The following NYAP2 variants were observed in gnomAD, a reference collection of about 807,000 sequenced individuals.
NYAP2 encodes the protein neuronal tyrosine-phosphorylated phosphoinositide-3-kinase adapter 2.
In NYAP2, 23 loss-of-function variants were observed where a neutral mutation model predicts 50.4. The ratio of observed to expected loss-of-function variants is 0.46; its 90% CI spans 0.33 to 0.65. NYAP2 has a LOEUF of 0.65. Among genes scored for constraint, NYAP2 ranks in the 30% least tolerant of loss-of-function variants. NYAP2 has a pLI of 0.02. For missense variants in NYAP2, 885 were observed against 861.0 expected (o/e 1.03, Z -0.35); for synonymous variants, 394 against 365.2 (o/e 1.08, Z -0.90).
intron 3 of NYAP2, among the ~76,000 whole-genome samples, chr2:225,451,953 CATACACACACACGTATAT>C (rs956537878): frequency 2.1e-4 from 32 of 152,188 alleles, no homozygotes; most frequent in African/African-American, 5.8e-4. Context: ...TATATATGCA[CATACACACACACGTATAT>C]ATACACACAC....
chr2:225,679,124 T>G, the NYAP2 span, among the ~76,000 whole-genome samples: 2 of 152,142 alleles, frequency 1.3e-5, no homozygotes, highest in African/African-American at 4.8e-5. Context: ...TGTAGCTTAA[T>G]AAGTATGGAC....
At chr2:225,567,976 A>T (rs1336370858) in intron 4 of NYAP2, among the ~76,000 whole-genome samples, 1 of 152,176 alleles carries the variant, frequency 6.6e-6, no homozygotes, top group Non-Finnish European at 1.5e-5. Context: ...TTTCATACAT[A>T]GGAAGGATGA....
intron 4 of NYAP2, among the ~76,000 whole-genome samples, chr2:225,529,136 G>C (rs947009196): frequency 3.3e-5 from 5 of 152,052 alleles, no homozygotes; most frequent in Non-Finnish European, 2.9e-5. Context: ...TGGCAGAAAG[G>C]AGTTCATAAC....
intron 3 of NYAP2, among the ~76,000 whole-genome samples, chr2:225,418,525 T>TTGACAGAATTTGG (rs1247037015): frequency 3.2e-4 from 49 of 152,086 alleles, no homozygotes; most frequent in African/African-American, 1.1e-3. Context: ...GAAGGTAGAA[T>TTGACAGAATTTGG]TGACAGAATT....
intron 3 of NYAP2, among the ~76,000 whole-genome samples, chr2:225,418,885 G>A (rs1329978581): frequency 1.3e-5 from 2 of 152,248 alleles, no homozygotes; most frequent in East Asian, 1.9e-4. Context: ...GTTATTGTAT[G>A]TGTGTAATAA....
At chr2:225,658,316 A>AC (rs879351044), downstream of NYAP2, among the ~76,000 whole-genome samples, 1 of 152,026 alleles carries the variant, frequency 6.6e-6, no homozygotes, top group South Asian at 2.1e-4. Flanking sequence ...GTCTTGGAAC[A>AC]CCCCCCTAAG....
chr2:225,574,757 T>G (rs1160740388), intron 4 of NYAP2, among the ~76,000 whole-genome samples: 1 of 152,178 alleles, frequency 6.6e-6, no homozygotes, highest in African/African-American at 2.4e-5. Flanking sequence ...GTCAGTGCAT[T>G]GTGGCACAGT....
intron 3 of NYAP2, among the ~76,000 whole-genome samples, chr2:225,413,610 G>C (rs981377635): frequency 6.6e-6 from 1 of 152,098 alleles, no homozygotes; most frequent in African/African-American, 2.4e-5. Flanking sequence ...TTAATATTTT[G>C]AGAAAGTCCA....
intron 4 of NYAP2, among the ~76,000 whole-genome samples, chr2:225,553,823 G>T (rs1691724747): frequency 6.6e-6 from 1 of 152,074 alleles, no homozygotes; most frequent in Non-Finnish European, 1.5e-5. Context: ...GATCACATGA[G>T]GTCAGGAGTT....
intron 3 of NYAP2, among the ~76,000 whole-genome samples, chr2:225,455,082 T>C (rs866642605): frequency 3.3e-5 from 5 of 151,854 alleles, no homozygotes; most frequent in African/African-American, 7.2e-5. Flanking sequence ...TCTCCAGAAA[T>C]TGGAAAAGGC....
chr2:225,442,796 G>A (rs181866812), intron 3 of NYAP2, among the ~76,000 whole-genome samples: 9 of 152,162 alleles, frequency 5.9e-5, no homozygotes, highest in East Asian at 1.9e-4. Flanking sequence ...GGCTGGTCTC[G>A]AACTCCTGAT....
chr2:225,503,791 A>G (rs1005577284), intron 3 of NYAP2, among the ~76,000 whole-genome samples: 1 of 152,192 alleles, frequency 6.6e-6, no homozygotes, highest in African/African-American at 2.4e-5. Context: ...TGTTTGATAG[A>G]GATGACCATA....
At chr2:225,595,544 T>A (rs1692581941) in intron 5 of NYAP2, among the ~76,000 whole-genome samples, 1 of 152,214 alleles carries the variant, frequency 6.6e-6, no homozygotes, top group African/African-American at 2.4e-5. Flanking sequence ...AAGAGATATG[T>A]GTCAAACAAA....
At chr2:225,498,707 A>G (rs1229547754) in intron 3 of NYAP2, among the ~76,000 whole-genome samples, 7 of 152,166 alleles carry the variant, frequency 4.6e-5, no homozygotes, top group Non-Finnish European at 4.4e-5. Context: ...AATAGGGAAT[A>G]GATGTGAAAT....
At chr2:225,407,976 T>G (rs1053663282) in intron 2 of NYAP2, among the ~76,000 whole-genome samples, 1 of 151,996 alleles carries the variant, frequency 6.6e-6, no homozygotes, top group Non-Finnish European at 1.5e-5. Flanking sequence ...AACTCTATTC[T>G]AAATTATTTA....
At chr2:225,625,043 T>TTAAA (rs1275269077) in intron 5 of NYAP2, among the ~76,000 whole-genome samples, 3 of 69,632 alleles carry the variant, frequency 4.3e-5, no homozygotes, top group Admixed American at 2.2e-4. Context: ...AACCCAAGCG[T>TTAAA]AAAAAAAAAA....
At chr2:225,680,102 T>G in the NYAP2 span, among the ~76,000 whole-genome samples, 1 of 152,306 alleles carries the variant, frequency 6.6e-6, no homozygotes. Context: ...TGTTGCATAT[T>G]TCTTGCACAC....
At chr2:225,656,141 A>G (rs889094830), downstream of NYAP2, among the ~76,000 whole-genome samples, 10 of 152,120 alleles carry the variant, frequency 6.6e-5, no homozygotes, top group African/African-American at 2.2e-4. Context: ...AGGTAGGAAA[A>G]GGTCACTTGT....
At chr2:225,512,548 C>A (rs1436844041) in intron 3 of NYAP2, among the ~76,000 whole-genome samples, 1 of 149,118 alleles carries the variant, frequency 6.7e-6, no homozygotes, top group African/African-American at 2.5e-5. Context: ...TTCCTTCCCT[C>A]CTTCCTTCCT....
Sources: gnomAD v4.1 joint callset for allele counts (sites outside exome capture counted in the v4.1 genomes callset) on GRCh38, gnomAD v4.1.1 for gene constraint, MANE v1.5 for transcripts, NCBI Gene and HGNC (gene_info 2026-07-23, HGNC 2026-07-21) for gene names.